ZFP14: variants seen among roughly 807,000 people sequenced by gnomAD.
ZFP14 encodes the protein ZFP14 zinc finger protein, also known as zinc finger protein 14 homolog.
A neutral mutation model predicts 54.5 loss-of-function variants in ZFP14; 22 were observed. The observed-to-expected ratio is 0.40, with a 90% confidence interval of 0.29 to 0.58. ZFP14 has a LOEUF of 0.58. Ranked by LOEUF, ZFP14 falls within the 20% of genes least tolerant of loss-of-function variation. The pLI, the probability that ZFP14 is intolerant of heterozygous loss-of-function variation, is 0.39. For missense variants in ZFP14, 470 were observed against 637.8 expected (o/e 0.74, Z 2.83); for synonymous variants, 159 against 204.0 (o/e 0.78, Z 1.88).
intron 1 of ZFP14, among the ~76,000 whole-genome samples, chr19:36,371,125 A>G (rs1218688615): frequency 6.6e-6 from 1 of 152,090 alleles, no homozygotes; most frequent in African/African-American, 2.4e-5. Context: ...TTAGGCGGGC[A>G]TGCTGGTGGG....
chr19:36,353,786 A>G (rs1568468646), intron 4 of ZFP14, among the ~76,000 whole-genome samples: 2 of 140,602 alleles, frequency 1.4e-5, no homozygotes, highest in South Asian at 4.5e-4. Context: ...AAAAAAAGTC[A>G]GATGCAGCTG....
At chr19:36,351,916 G>A (rs758716283) in intron 4 of ZFP14, among the ~76,000 whole-genome samples, 1 of 143,322 alleles carries the variant, frequency 7.0e-6, no homozygotes, top group African/African-American at 2.6e-5. Flanking sequence ...GGGTGTGGTG[G>A]CTCACGCCTG....
intron 2 of ZFP14, among the ~76,000 whole-genome samples, chr19:36,363,089 T>C (rs888807846): frequency 2.0e-5 from 3 of 152,116 alleles, no homozygotes; most frequent in Non-Finnish European, 4.4e-5. Context: ...TATCATCTCT[T>C]GAACATTGTT....
At chr19:36,362,089 T>C (rs2031719932) in intron 3 of ZFP14, 23 bp downstream of exon 3, 1 of 1,575,340 alleles carries the variant, frequency 6.3e-7, no homozygotes. Flanking sequence ...AAAGCTAATA[T>C]CATTTGGGAT....
At chr19:36,372,022 A>G (rs543427924) in intron 1 of ZFP14, among the ~76,000 whole-genome samples, 29 of 135,304 alleles carry the variant, frequency 2.1e-4, no homozygotes, top group African/African-American at 8.4e-4. Context: ...GAAGGAAGGA[A>G]GGAAGGAGAA....
At position 36,340,499 on chromosome 19, in the gene ZFP14, G is replaced by T; in HGVS notation, c.1327C>A (p.Gln443Lys). The T allele has an allele frequency of 6.2e-7, 1 of 1,613,940 alleles. No homozygotes were observed. Among genetic ancestry groups the T allele is most frequent in the East Asian group, 2.2e-5 (1 of 44,874 alleles). Reference protein sequence around the residue: ...FRLLSQLTQHQSIHTGEKPYE... With the variant: ...FRLLSQLTQHKSIHTGEKPYE... ...GGTTTCTCACCAGTGTGAATACTTTGATGCTGAGTAAGTTGTGAGAGCAGT... is the reference window on the plus strand; with the variant it reads ...GGTTTCTCACCAGTGTGAATACTTTTATGCTGAGTAAGTTGTGAGAGCAGT... The change falls in exon 5 of 5, where the codon CAA becomes AAA. Residue 443 changes from glutamine to lysine, a missense_variant. Transcript: ENST00000270001. This position sits in a 1 kb window ranked among gnomAD's most constrained non-coding sequence, Gnocchi z 5.4.
Position 36,349,245 on chromosome 19 carries a change from A to C in ZFP14, c.236-7655T>G, listed in dbSNP as rs1263096325. Among the ~76,000 whole-genome samples, 82 of 89,598 alleles carry C rather than the reference A, an allele frequency of 9.2e-4. 8 individuals carry two copies. The highest frequency in any genetic ancestry group is 4.0e-3 in the African/African-American group (64 of 16,196). 58.8% of individuals were successfully genotyped at this position (89,598 alleles called of 152,430 possible). ...GAACTCTGTCTCAAAAAAAAAAACA[A>C]AAAAAAAAAAACAAAAAAAAAAAAA... On this transcript the variant is annotated intron_variant, in intron 4 of 4. Coordinates refer to ENST00000270001, the MANE Select transcript of ZFP14 (RefSeq NM_020917.3).
chr19:36,346,690 T>G (rs1164781229), intron 4 of ZFP14, among the ~76,000 whole-genome samples: 1 of 152,144 alleles, frequency 6.6e-6, no homozygotes, highest in Non-Finnish European at 1.5e-5. Flanking sequence ...TCTATTGACC[T>G]CGTGATCCAC....
At chr19:36,347,333 G>A (rs2031435528) in intron 4 of ZFP14, among the ~76,000 whole-genome samples, 2 of 152,162 alleles carry the variant, frequency 1.3e-5, no homozygotes, top group Admixed American at 1.3e-4. Flanking sequence ...TTCAAGGCTG[G>A]GCGCAATGGC....
chr19:36,345,511 T>G (rs2031398467), intron 4 of ZFP14, among the ~76,000 whole-genome samples: 1 of 152,168 alleles, frequency 6.6e-6, no homozygotes, highest in South Asian at 2.1e-4. Flanking sequence ...GGCTTGAAGA[T>G]CATGATCCAG....
At chr19:36,343,377 C>A (rs2031357298) in intron 4 of ZFP14, among the ~76,000 whole-genome samples, 1 of 152,134 alleles carries the variant, frequency 6.6e-6, no homozygotes, top group Admixed American at 6.6e-5. Context: ...GCATACTGGC[C>A]TCTTTCAACG....
At position 36,340,061 on chromosome 19, in the gene ZFP14, G is replaced by T; in HGVS notation, c.*163C>A. 1.5e-6 allele frequency: 1 copy of T among 681,772 alleles called. No homozygotes were observed. Among genetic ancestry groups the T allele is most frequent in the Non-Finnish European group, 2.2e-6 (1 of 457,150 alleles). 42.2% of individuals were successfully genotyped at this position (681,772 alleles called of 1,614,324 possible). ...CATTATTCTCTCATAGGAATTTGCT[G>T]AAGATAAACCATGTTTAAATGGTGT... On this transcript the variant is annotated 3_prime_UTR_variant, in exon 5 of 5. Transcript: ENST00000270001. The surrounding 1 kb of genome is among the most constrained non-coding windows in gnomAD (Gnocchi z 5.4).
intron 2 of ZFP14, among the ~76,000 whole-genome samples, chr19:36,363,517 G>A (rs1258171471): frequency 6.6e-6 from 1 of 151,752 alleles, no homozygotes; most frequent in Non-Finnish European, 1.5e-5. Context: ...CATTTTCAAT[G>A]AGGAGTCATT....
In ZFP14 at chr19:36,367,930, G is replaced by C. The variant is rs1427720747; in HGVS notation, c.-38C>G. On this transcript the variant is annotated 5_prime_UTR_variant, in exon 2 of 5. In the 5' UTR this introduces an upstream ATG that the reference lacks. Transcript: ENST00000270001. ...GCAAAAACTGGTCAGTCCTTTTCAA[G>C]ATTTCTCTGTTGGAGAACTATGGAG... is the stretch of plus-strand genomic sequence containing the variant. The C allele has an allele frequency of 1.9e-6, 3 of 1,602,466 alleles. No homozygotes were observed. The African/African-American group carries it at 4.0e-5, about 21-fold the overall frequency.
chr19:36,362,865 ACT>A, intron 2 of ZFP14: 1 of 274,868 alleles, frequency 3.6e-6, no homozygotes, highest in Non-Finnish European at 7.2e-6. Context: ...TTCATCACAA[ACT>A]CGGGTTTTAT....
chr19:36,370,391 G>C (rs1361105998), intron 1 of ZFP14, among the ~76,000 whole-genome samples: 1 of 152,230 alleles, frequency 6.6e-6, no homozygotes, highest in Non-Finnish European at 1.5e-5. Flanking sequence ...AGTAGCCACA[G>C]ACTGACCCTC....
Position 36,340,867 on chromosome 19 carries a change from G to A in ZFP14, c.959C>T (p.Ala320Val), listed in dbSNP as rs756378024. The A allele has an allele frequency of 6.2e-7, 1 of 1,613,908 alleles. No homozygotes were observed. Among genetic ancestry groups the A allele is most frequent in the Non-Finnish European group, 8.5e-7 (1 of 1,180,004 alleles). The change falls in exon 5 of 5, where the codon GCC becomes GTC. Residue 320 changes from alanine to valine, a missense_variant. Ala to Val is a moderately conservative substitution (Grantham distance 64, BLOSUM62 0). Transcript: ENST00000270001. The surrounding 1 kb of genome is among the most constrained non-coding windows in gnomAD (Gnocchi z 5.4). ...KLYECKECGK[A>V]FVCGPDLRVH... is the part of the protein sequence containing the mutation. ...TCTAAGGTCTGGACCACATACGAAG[G>A]CTTTCCCACATTCCTTACATTCATA... is the stretch of plus-strand genomic sequence containing the variant.
intron 2 of ZFP14, among the ~76,000 whole-genome samples, chr19:36,367,150 G>A (rs1292231071): frequency 2.2e-5 from 3 of 139,024 alleles, no homozygotes; most frequent in African/African-American, 5.6e-5. Context: ...GTGAAACTCT[G>A]TCTCAAAAAA....
At position 36,334,909 on chromosome 19, in the gene ZFP14, T is replaced by G. The variant is rs1373334204; in HGVS notation, c.*5315A>C. The stretch of plus-strand genomic sequence containing the variant: ...TTTTATTTGAGACTGAGTTTCACTC[T>G]TGTTGCCCAGGTTGGAGTGCAATGG... On this transcript the variant is annotated 3_prime_UTR_variant, in exon 5 of 5. Transcript: ENST00000270001. 6.6e-6 allele frequency: 1 copy of G among 152,182 alleles called. No individual in the cohort carries two copies. The highest frequency in any genetic ancestry group is 6.5e-5 in the Admixed American group (1 of 15,282). The allele number at this position is 152,182 out of a possible 1,614,324, so 9.4% of individuals were successfully genotyped here. A position where few individuals can be genotyped will look rare whatever the true frequency, so the allele number is the denominator to read the frequency against.
Sources: gnomAD v4.1 joint callset for allele counts (sites outside exome capture counted in the v4.1 genomes callset) on GRCh38, gnomAD v4.1.1 for gene constraint, Gnocchi (gnomAD v3.1) non-coding constraint, MANE v1.5 for transcripts, NCBI Gene and HGNC (gene_info 2026-07-23, HGNC 2026-07-21) for gene names.